TXNDC5: variants seen among roughly 807,000 people sequenced by gnomAD.
TXNDC5 encodes the protein thioredoxin domain containing 5, also known as thioredoxin domain-containing protein 5.
In TXNDC5, 44 loss-of-function variants were observed where a neutral mutation model predicts 52.6. The ratio of observed to expected loss-of-function variants is 0.84; its 90% confidence interval spans 0.66 to 1.08. The LOEUF (loss-of-function observed/expected upper bound fraction) is 1.08. Ranked by LOEUF, TXNDC5 falls within the 50% of genes least tolerant of loss-of-function variation. The pLI, the probability that TXNDC5 is intolerant of heterozygous loss-of-function variation, is 0.00. For synonymous variants in TXNDC5, 241 were observed against 234.4 expected (o/e 1.03, Z -0.26); for missense variants, 600 against 565.5 (o/e 1.06, Z -0.62).
chr6:7,884,618 C>A (rs569129366), intron 8 of TXNDC5, 130 bp from the exon 9 acceptor site: 3 of 1,262,498 alleles, frequency 2.4e-6, no homozygotes, highest in African/African-American at 3.0e-5. Flanking sequence ...TTGTAAAATA[C>A]CAAATTCTCC....
chr6:7,886,713 T>A (rs968400181), intron 7 of TXNDC5, among the ~76,000 whole-genome samples: 2 of 152,212 alleles, frequency 1.3e-5, no homozygotes, highest in African/African-American at 4.8e-5. Context: ...GACAGTTCTT[T>A]ACAGAATGAC....
At chr6:7,894,182 G>A (rs1469875321) in intron 4 of TXNDC5, among the ~76,000 whole-genome samples, 1 of 152,020 alleles carries the variant, frequency 6.6e-6, no homozygotes, top group Non-Finnish European at 1.5e-5. Flanking sequence ...ACAGTGGCAT[G>A]ATCACAGCTC....
chr6:7,909,764 G>C (rs1760853076), intron 1 of TXNDC5: 1 of 985,960 alleles, frequency 1.0e-6, no homozygotes, highest in South Asian at 4.7e-5. Context: ...CCTCTGCCCG[G>C]ACCACTCCTT....
chr6:7,910,501 T>A lies in TXNDC5; in HGVS notation c.263+13A>T. The A allele has an allele frequency of 7.0e-7, 1 of 1,427,756 alleles. No individual in the cohort carries two copies. The highest frequency in any genetic ancestry group is 1.3e-5 in the South Asian group (1 of 77,032). The allele number at this position is 1,427,756 out of a possible 1,614,324, so 88.4% of individuals were successfully genotyped here. ...CCAAGTGCGGGGCAGGGCGCCGGCC[T>A]GCGCGGCGTTACCAGGGCGCGAAGA... On this transcript the variant is annotated intron_variant, in intron 1 of 9. Coordinates refer to ENST00000379757, the MANE Select transcript of TXNDC5 (RefSeq NM_030810.5).
chr6:7,910,530 T>C lies in TXNDC5; in HGVS notation c.247A>G (p.Met83Val). ...HGIQSAAHFVMFFAPWCGHCQ... is the reference protein window; with the variant it reads ...HGIQSAAHFVVFFAPWCGHCQ... The stretch of plus-strand genomic sequence containing the variant: ...CGGCGTTACCAGGGCGCGAAGAACA[T>C]GACGAAGTGCGCGGCGCTCTGGATC... The change falls in exon 1 of 10, where the codon ATG becomes GTG. Residue 83 changes from methionine (M) to valine (V), a missense_variant. Physicochemically the swap from Met to Val is conservative, Grantham distance 21. Coordinates refer to ENST00000379757, the MANE Select transcript of TXNDC5 (RefSeq NM_030810.5). The C allele has an allele frequency of 6.9e-7, 1 of 1,451,128 alleles. No homozygotes were observed. Among genetic ancestry groups the C allele is most frequent in the Non-Finnish European group, 9.2e-7 (1 of 1,091,682 alleles). The allele number at this position is 1,451,128 out of a possible 1,614,324, so 89.9% of individuals were successfully genotyped here.
intron 6 of TXNDC5, 187 bp from the exon 7 acceptor site, chr6:7,889,035 G>T: frequency 1.4e-6 from 1 of 689,682 alleles, no homozygotes; most frequent in African/African-American, 1.8e-5. Context: ...TTTGGTGAGA[G>T]AACTGTACAG....
intron 3 of TXNDC5, among the ~76,000 whole-genome samples, chr6:7,896,734 C>A (rs1412498994): frequency 6.6e-6 from 1 of 152,200 alleles, no homozygotes; most frequent in African/African-American, 2.4e-5. Context: ...ATGAGATGTT[C>A]AAGGGCCTTT....
At chr6:7,895,236 T>A in intron 3 of TXNDC5, 34 bp from the exon 4 acceptor site, 1 of 1,582,536 alleles carries the variant, frequency 6.3e-7, no homozygotes. Flanking sequence ...CATGGGTGTG[T>A]CAGTGGAGAC....
At position 7,895,266 on chromosome 6, in the gene TXNDC5, G is replaced by A. The variant is rs1031026952; in HGVS notation, c.520-64C>T. The stretch of plus-strand genomic sequence containing the variant: ...GGAGACACAGGGAAACCATCCAGGA[G>A]GTGACTGTGTCTGTGGGGAACCGCC... On this transcript the variant is annotated intron_variant, in intron 3 of 9. Transcript: ENST00000379757. 4.4e-5 allele frequency: 65 copies of A among 1,481,340 alleles called. No individual in the cohort carries two copies. The Admixed American group carries it at 1.3e-3, about 29-fold the overall frequency. The allele number at this position is 1,481,340 out of a possible 1,614,324, so 91.8% of individuals were successfully genotyped here.
intron 4 of TXNDC5, among the ~76,000 whole-genome samples, chr6:7,892,237 A>G (rs1342144034): frequency 1.3e-5 from 2 of 152,172 alleles, no homozygotes; most frequent in Admixed American, 6.5e-5. Context: ...TGTGCCCCCA[A>G]AAAACATCAC....
chr6:7,890,991 G>T (rs527449500), intron 5 of TXNDC5, among the ~76,000 whole-genome samples: 1 of 152,300 alleles, frequency 6.6e-6, no homozygotes, highest in East Asian at 1.9e-4. Context: ...ATACAAATCA[G>T]CCCCATGGCA....
intron 2 of TXNDC5, among the ~76,000 whole-genome samples, chr6:7,901,849 T>C (rs891634275): frequency 1.3e-5 from 2 of 152,188 alleles, no homozygotes; most frequent in African/African-American, 4.8e-5. Flanking sequence ...GTAGACAGTG[T>C]TATCAGTTGA....
At position 7,882,240 on chromosome 6, in the gene TXNDC5, C is replaced by CT. The variant is rs1759774728; in HGVS notation, c.*903_*904insA. 6.6e-6 allele frequency: 1 copy of CT among 152,620 alleles called. No individual in the cohort carries two copies. Among genetic ancestry groups the CT allele is most frequent in the African/African-American group, 2.4e-5 (1 of 41,458 alleles). The allele number at this position is 152,620 out of a possible 1,614,324, so 9.5% of individuals were successfully genotyped here. A position where few individuals can be genotyped will look rare whatever the true frequency, so the allele number is the denominator to read the frequency against. On this transcript the variant is annotated 3_prime_UTR_variant, in exon 10 of 10. Coordinates refer to ENST00000379757, the MANE Select transcript of TXNDC5 (RefSeq NM_030810.5). The stretch of plus-strand genomic sequence containing the variant: ...GGGCTGCAGAGCCTCCCTGGATACC[C>CT]AGGCCTGGGAAAGCCTGTCTGGTCT...
chr6:7,909,502 G>A (rs1760840828), intron 1 of TXNDC5, among the ~76,000 whole-genome samples: 1 of 152,232 alleles, frequency 6.6e-6, no homozygotes, highest in Admixed American at 6.5e-5. Flanking sequence ...CAGGTCAGCA[G>A]CGAGGCCCAC....
chr6:7,899,948 C>T, intron 2 of TXNDC5: 1 of 305,934 alleles, frequency 3.3e-6, no homozygotes, highest in Middle Eastern at 9.8e-4. Flanking sequence ...ACTGAGGCCT[C>T]AAAAGCTACA....
chr6:7,891,280 T>A (rs1399276711), intron 5 of TXNDC5, among the ~76,000 whole-genome samples: 1 of 151,996 alleles, frequency 6.6e-6, no homozygotes, highest in Non-Finnish European at 1.5e-5. Flanking sequence ...TTGGGTGAGG[T>A]CGAACGTGGA....
chr6:7,886,165 G>A (rs1759974309), intron 7 of TXNDC5, 122 bp from the exon 8 acceptor site: 2 of 770,854 alleles, frequency 2.6e-6, no homozygotes, highest in Admixed American at 5.0e-5. Context: ...AGGCTCCAAG[G>A]TCACACAGAA....
intron 9 of TXNDC5, among the ~76,000 whole-genome samples, chr6:7,883,994 A>C (rs1183644905): frequency 1.3e-5 from 2 of 152,156 alleles, no homozygotes; most frequent in African/African-American, 4.8e-5. Context: ...CTTATGTGTG[A>C]AAAATGAGCG....
chr6:7,907,484 T>C (rs1342020636), intron 1 of TXNDC5, among the ~76,000 whole-genome samples: 2 of 152,188 alleles, frequency 1.3e-5, no homozygotes, highest in Non-Finnish European at 2.9e-5. Context: ...TGTGACCTGA[T>C]GTTGGCAAAA....
Sources: gnomAD v4.1 joint callset for allele counts (sites outside exome capture counted in the v4.1 genomes callset) on GRCh38, gnomAD v4.1.1 for gene constraint, MANE v1.5 for transcripts, NCBI Gene and HGNC (gene_info 2026-07-23, HGNC 2026-07-21) for gene names.